The following LRMDA variants were observed in gnomAD, a reference collection of about 807,000 sequenced individuals.
LRMDA encodes leucine-rich melanocyte differentiation-associated protein.
A neutral mutation model predicts 29.8 loss-of-function variants in LRMDA; 18 were observed. The ratio of observed to expected loss-of-function variants is 0.60; its 90% CI spans 0.42 to 0.90. The LOEUF is 0.90. Ranked by LOEUF, LRMDA falls within the 40% of genes least tolerant of loss-of-function variation. The pLI, the probability that LRMDA is intolerant of heterozygous loss-of-function variation, is 0.00. For synonymous variants in LRMDA, 125 were observed against 109.4 expected (o/e 1.14, Z -0.89); for missense variants, 273 against 273.9 (o/e 1.00, Z 0.02).
At chr10:76,377,440 G>T (rs1841535036) in intron 6 of LRMDA, among the ~76,000 whole-genome samples, 1 of 151,984 alleles carries the variant, frequency 6.6e-6, no homozygotes, top group Non-Finnish European at 1.5e-5. Flanking sequence ...CATTTGATTT[G>T]GGGCTCTTAG....
intron 2 of LRMDA, among the ~76,000 whole-genome samples, chr10:75,791,443 A>G (rs577754453): frequency 6.6e-4 from 100 of 152,364 alleles, no homozygotes; most frequent in African/African-American, 2.4e-3. Context: ...GCCATTTATC[A>G]TCAATAAATA....
chr10:76,065,067 T>C (rs11812302), intron 5 of LRMDA, among the ~76,000 whole-genome samples: 83 of 152,342 alleles, frequency 5.4e-4, no homozygotes, highest in African/African-American at 2.0e-3. Context: ...GATGGTGTGT[T>C]CAAAAACAAC....
chr10:76,072,093 A>T (rs761450192), intron 5 of LRMDA, among the ~76,000 whole-genome samples: 10 of 152,210 alleles, frequency 6.6e-5, no homozygotes, highest in Non-Finnish European at 1.3e-4. Flanking sequence ...CTGGGTTGCA[A>T]TGTAATAAAT....
At chr10:75,492,048 A>G (rs1056629234) in intron 2 of LRMDA, among the ~76,000 whole-genome samples, 4 of 152,240 alleles carry the variant, frequency 2.6e-5, no homozygotes, top group African/African-American at 9.6e-5. Flanking sequence ...ATAGCAGGAC[A>G]CAGAACTGAG....
intron 2 of LRMDA, among the ~76,000 whole-genome samples, chr10:75,974,808 G>A (rs1847041894): frequency 6.6e-6 from 1 of 152,160 alleles, no homozygotes; most frequent in Non-Finnish European, 1.5e-5. Context: ...ATAATACCTG[G>A]CACATAGTGA....
At chr10:76,198,814 A>T (rs1238086432) in intron 5 of LRMDA, among the ~76,000 whole-genome samples, 1 of 152,098 alleles carries the variant, frequency 6.6e-6, no homozygotes, top group South Asian at 2.1e-4. Flanking sequence ...CTTTAAAGTG[A>T]CAGGTTTTAT....
chr10:76,333,741 G>A (rs1840933096), intron 6 of LRMDA, among the ~76,000 whole-genome samples: 1 of 152,222 alleles, frequency 6.6e-6, no homozygotes, highest in African/African-American at 2.4e-5. Flanking sequence ...CAATAATCCA[G>A]CATTCGATGA....
chr10:76,235,152 T>C (rs752552343), intron 5 of LRMDA, among the ~76,000 whole-genome samples: 2 of 152,158 alleles, frequency 1.3e-5, no homozygotes, highest in Non-Finnish European at 2.9e-5. Flanking sequence ...AATTTCAATA[T>C]CGTTGTGTCT....
intron 5 of LRMDA, among the ~76,000 whole-genome samples, chr10:76,232,858 T>C (rs1852085456): frequency 1.3e-5 from 2 of 152,142 alleles, no homozygotes; most frequent in South Asian, 2.1e-4. Context: ...CTGGGGCCTT[T>C]TATGGACTCA....
rs554788616 is a variant in LRMDA, at chr10:76,367,153, G to A, written c.601+42668G>A. 1.2e-3 allele frequency among the ~76,000 whole-genome samples: 189 copies of A among 152,204 alleles called. 1 individual carries two copies. The highest frequency in any genetic ancestry group is 1.5e-3 in the Non-Finnish European group (104 of 68,020). On this transcript the variant is annotated intron_variant, in intron 6 of 6. Coordinates refer to ENST00000611255, the MANE Select transcript of LRMDA (RefSeq NM_001305581.2). ...CTTGGTATGTTGTTGGATTTCGCTA[G>A]CTAGTATTTTGTTAACTATTTTAGC...
rs961523033 is a variant in LRMDA, at chr10:75,581,078, T to G, written c.131+142584T>G. On this transcript the variant is annotated intron_variant, in intron 2 of 6. Transcript: ENST00000611255. ...GCCAAAATAGACAAATGGGATCTAA[T>G]TAAACTAAAGAGCATCTGCACAGGA... Among the ~76,000 whole-genome samples, 3 of 152,096 alleles carry G rather than the reference T, an allele frequency of 2.0e-5. No homozygotes were observed. The East Asian group carries it at 5.8e-4, about 29-fold the overall frequency.
chr10:76,205,842 G>T (rs1050962672), intron 5 of LRMDA, among the ~76,000 whole-genome samples: 2 of 152,056 alleles, frequency 1.3e-5, no homozygotes, highest in Non-Finnish European at 2.9e-5. Context: ...GGTAGGATAT[G>T]CAGATCTTTG....
chr10:76,354,996 G>A (rs373086813), intron 6 of LRMDA, among the ~76,000 whole-genome samples: 28 of 152,040 alleles, frequency 1.8e-4, no homozygotes, highest in African/African-American at 6.0e-4. Flanking sequence ...TCTCTGAAAC[G>A]AAATTTTCAC....
chr10:75,704,915 T>G (rs914264134), intron 2 of LRMDA, among the ~76,000 whole-genome samples: 1 of 152,144 alleles, frequency 6.6e-6, no homozygotes, highest in Admixed American at 6.5e-5. Context: ...ACACAGAGAA[T>G]AAATTAAGAC....
At chr10:75,751,858 A>G (rs1014187120) in intron 2 of LRMDA, among the ~76,000 whole-genome samples, 1 of 152,206 alleles carries the variant, frequency 6.6e-6, no homozygotes. Flanking sequence ...TGCTCAAACC[A>G]GTAGTTCCTG....
chr10:76,458,395 A>G (rs1842479634), intron 6 of LRMDA, among the ~76,000 whole-genome samples: 1 of 152,244 alleles, frequency 6.6e-6, no homozygotes, highest in Admixed American at 6.5e-5. Flanking sequence ...TTAGATGAAT[A>G]TAAAATGGCT....
intron 5 of LRMDA, among the ~76,000 whole-genome samples, chr10:76,104,014 C>T (rs1328644971): frequency 6.6e-6 from 1 of 151,398 alleles, no homozygotes; most frequent in African/African-American, 2.4e-5. Context: ...TGCCACTGCA[C>T]TCCAGCCTGG....
chr10:76,377,132 A>G (rs1187729229), intron 6 of LRMDA, among the ~76,000 whole-genome samples: 1 of 151,218 alleles, frequency 6.6e-6, no homozygotes, highest in Non-Finnish European at 1.5e-5. Flanking sequence ...TGATCTGCCC[A>G]CCTCGGCCTC....
intron 3 of LRMDA, among the ~76,000 whole-genome samples, chr10:76,040,576 C>T (rs1158113388): frequency 6.6e-6 from 1 of 152,078 alleles, no homozygotes; most frequent in Non-Finnish European, 1.5e-5. Flanking sequence ...CTCTTTCTCT[C>T]TCTCTCTCTC....
Sources: gnomAD v4.1 joint callset for allele counts (sites outside exome capture counted in the v4.1 genomes callset) on GRCh38, gnomAD v4.1.1 for gene constraint, MANE v1.5 for transcripts, NCBI Gene and HGNC (gene_info 2026-07-23, HGNC 2026-07-21) for gene names.